ACP2: variants seen among roughly 807,000 people sequenced by gnomAD.
ACP2 encodes acid phosphatase 2, lysosomal.
In ACP2, 35 loss-of-function variants were observed where a neutral mutation model predicts 54.7. The observed-to-expected ratio is 0.64, with a 90% CI of 0.49 to 0.85. The LOEUF is 0.85. Among genes scored for constraint, ACP2 ranks in the 40% least tolerant of loss-of-function variants. ACP2 has a pLI of 0.00. For synonymous variants in ACP2, 210 were observed against 224.4 expected (o/e 0.94, Z 0.57); for missense variants, 492 against 565.0 (o/e 0.87, Z 1.31).
At chr11:47,248,455 A>T in intron 1 of ACP2, 1 of 1,545,282 alleles carries the variant, frequency 6.5e-7, no homozygotes, top group South Asian at 1.2e-5. Flanking sequence ...TTAACCATTC[A>T]ACCACTTCCC....
intron 10 of ACP2, among the ~76,000 whole-genome samples, chr11:47,240,559 C>A (rs1475303802): frequency 6.6e-6 from 1 of 152,150 alleles, no homozygotes; most frequent in East Asian, 1.9e-4. Context: ...GTGGCTCACA[C>A]CTGTAATCCC....
intron 3 of ACP2, among the ~76,000 whole-genome samples, chr11:47,246,071 A>G (rs1011485256): frequency 6.6e-6 from 1 of 152,116 alleles, no homozygotes; most frequent in East Asian, 1.9e-4. Flanking sequence ...CCATCCCCCA[A>G]ACACTCCACT....
chr11:47,245,634 G>A (rs1325709798), intron 4 of ACP2, 48 bp downstream of exon 4: 5 of 1,613,904 alleles, frequency 3.1e-6, no homozygotes, highest in Non-Finnish European at 4.2e-6. Context: ...CAGGCCTACG[G>A]CCAGAGCTGT....
At position 47,240,242 on chromosome 11, in the gene ACP2, A is replaced by G. The variant is rs2135522190; in HGVS notation, c.1146T>C (p.Ile382=). 1 of 1,506,516 alleles carries G rather than the reference A, an allele frequency of 6.6e-7. No individual in the cohort carries two copies. The highest frequency in any genetic ancestry group is 1.1e-5 in the South Asian group (1 of 89,014). The allele number at this position is 1,506,516 out of a possible 1,614,324, so 93.3% of individuals were successfully genotyped here. A position where few individuals can be genotyped will look rare whatever the true frequency, so the allele number is the denominator to read the frequency against. ...TGGAGCCACATACAGCCAAGGCCAC[A>G]ATCACCTCTGGGCATGGGGGAGGCA... ...LASGPADTEV[I]VALAVCGSIL... The change falls in exon 11 of 11, where the codon ATT becomes ATC. Residue 382 remains isoleucine (I), a synonymous_variant. Transcript: ENST00000672073.
At chr11:47,248,554 A>C in intron 1 of ACP2, 122 bp downstream of exon 1, 2 of 1,551,570 alleles carry the variant, frequency 1.3e-6, no homozygotes, top group Non-Finnish European at 1.7e-6. Context: ...CAGCCTCCCA[A>C]CTACCCAGGC....
chr11:47,244,103 C>T (rs1953967350), intron 7 of ACP2, among the ~76,000 whole-genome samples: 1 of 152,128 alleles, frequency 6.6e-6, no homozygotes, highest in African/African-American at 2.4e-5. Context: ...TGCCACTCTA[C>T]TATAGCCTGG....
In ACP2 at chr11:47,246,598, G is replaced by T. The variant is rs765254516; in HGVS notation, c.298-764C>A. ...AAAATATATGTATATATTTTGGGCCGGGCACGGTGGCTCATGCCTGTAATC... is the reference window on the plus strand; with the variant it reads ...AAAATATATGTATATATTTTGGGCCTGGCACGGTGGCTCATGCCTGTAATC... On this transcript the variant is annotated intron_variant, in intron 3 of 10. Transcript: ENST00000672073. 2.8e-4 allele frequency among the ~76,000 whole-genome samples: 43 copies of T among 152,080 alleles called. 1 individual carries two copies. Among genetic ancestry groups the T allele is most frequent in the Middle Eastern group, 3.4e-3 (1 of 294 alleles).
chr11:47,247,945 A>C (rs1954262105), intron 2 of ACP2, 93 bp downstream of exon 2: 1 of 1,153,734 alleles, frequency 8.7e-7, no homozygotes, highest in Non-Finnish European at 1.2e-6. Context: ...CATATGGGAA[A>C]AGGCAGTTTA....
rs765762417 is a variant in ACP2 at position 47,245,482 on chromosome 11, G to A, written c.541C>T (p.Arg181Trp). 8.1e-6 allele frequency: 13 copies of A among 1,614,092 alleles called. No homozygotes were observed. Among genetic ancestry groups the A allele is most frequent in the East Asian group, 4.5e-5 (2 of 44,902 alleles). ...QTPEYQNESS[R>W]NAQFLDMVAN... ...CCTCTGCCCCCACTCACTGCATTCC[G>A]AGAACTCTCATTCTGATACTCTGGT... Residue 181 changes from arginine to tryptophan, a missense_variant, in exon 5 of 11, where the codon CGG becomes TGG. By Grantham distance (101) the Arg-to-Trp change is moderately radical. Transcript: ENST00000672073.
chr11:47,248,735 C>G lies in ACP2; in HGVS notation c.55G>C (p.Gly19Arg), dbSNP rs201174486. 6.2e-7 allele frequency: 1 copy of G among 1,610,832 alleles called. No homozygotes were observed. Among genetic ancestry groups the G allele is most frequent in the East Asian group, 2.2e-5 (1 of 44,778 alleles). The change falls in exon 1 of 11, where the codon GGC becomes CGC. Residue 19 changes from glycine (G) to arginine (R), a missense_variant. Gly to Arg is a moderately radical substitution (Grantham distance 125, BLOSUM62 -2). Coordinates refer to ENST00000672073, the MANE Select transcript of ACP2 (RefSeq NM_001610.4). ...GGCGGCATCACCACCAGGTTCACGCCGAGAAGGAGCTGGAGGAGAGCCGCC... is the reference window on the plus strand; with the variant it reads ...GGCGGCATCACCACCAGGTTCACGCGGAGAAGGAGCTGGAGGAGAGCCGCC... ...SRAALLQLLL[G>R]VNLVVMPPTR...
At chr11:47,247,507 T>C in intron 3 of ACP2, 134 bp downstream of exon 3, 2 of 1,011,384 alleles carry the variant, frequency 2.0e-6, no homozygotes, top group Non-Finnish European at 1.5e-6. Context: ...AGCTCTCAGA[T>C]GTCTTTTCCT....
At chr11:47,241,178 T>C (rs1192208249) in intron 10 of ACP2, among the ~76,000 whole-genome samples, 1 of 152,242 alleles carries the variant, frequency 6.6e-6, no homozygotes, top group Non-Finnish European at 1.5e-5. Context: ...GGGAAGCCAC[T>C]AGAAAATTCT....
At chr11:47,245,916 C>G in intron 3 of ACP2, 82 bp from the exon 4 acceptor site, 1 of 1,445,218 alleles carries the variant, frequency 6.9e-7, no homozygotes, top group Non-Finnish European at 9.1e-7. Flanking sequence ...TGAAGTGGAG[C>G]CTTGTATGTA....
chr11:47,245,370 C>G lies in ACP2; in HGVS notation c.574G>C (p.Glu192Gln), dbSNP rs540880065. The change falls in exon 6 of 11, where the codon GAG (glutamate) becomes CAG (glutamine). Residue 192 changes from glutamate to glutamine, a missense_variant. By Grantham distance (29) the Glu-to-Gln change is conservative. Coordinates refer to ENST00000672073, the MANE Select transcript of ACP2 (RefSeq NM_001610.4). ...AGTGTCAGGTCTGTAAGCCCTGTCT[C>G]GTTGGCCACCATGTCCAGAAATTGC... is the stretch of plus-strand genomic sequence containing the variant. ...NAQFLDMVAN[E>Q]TGLTDLTLET... 6.2e-7 allele frequency: 1 copy of G among 1,614,174 alleles called. No homozygotes were observed. The highest frequency in any genetic ancestry group is 1.3e-5 in the African/African-American group (1 of 75,046).
Position 47,240,233 on chromosome 11 carries a change from C to T in ACP2, c.1155G>A (p.Leu385=). ...GGAAGAGGATGGAGCCACATACAGC[C>T]AAGGCCACAATCACCTCTGGGCATG... ...GPADTEVIVA[L]AVCGSILFLL... The change falls in exon 11 of 11, where the codon TTG becomes TTA. Residue 385 remains leucine (L), a synonymous_variant. Coordinates refer to ENST00000672073, the MANE Select transcript of ACP2 (RefSeq NM_001610.4). The T allele has an allele frequency of 5.8e-6, 9 of 1,551,692 alleles. No homozygotes were observed. The highest frequency in any genetic ancestry group is 8.0e-6 in the Non-Finnish European group (9 of 1,123,040).
chr11:47,245,428 C>T, intron 5 of ACP2, 34 bp from the exon 6 acceptor site: 2 of 1,614,236 alleles, frequency 1.2e-6, no homozygotes, highest in Non-Finnish European at 1.7e-6. Context: ...CAGTCCTGCT[C>T]TGGGGAAAAG....
Position 47,244,849 on chromosome 11 carries a change from GGCGCAGCCCGTGCGTTT to G in ACP2, c.641_657del (p.Gln214ProfsTer84). 2 of 1,609,326 alleles carry G rather than the reference GGCGCAGCCCGTGCGTTT, an allele frequency of 1.2e-6. No individual in the cohort carries two copies. Among genetic ancestry groups the G allele is most frequent in the Non-Finnish European group, 1.7e-6 (2 of 1,176,636 alleles). ...GTTTGGGGTGAGGCCCAGGGCGGCA[GGCGCAGCCCGTGCGTTT>G]GCTGTGTATCGCAGCAGGCAGGTTA... On this transcript the variant is annotated frameshift_variant and splice_region_variant, in exon 7 of 11. Transcript: ENST00000672073. LOFTEE classifies it high-confidence loss of function.
chr11:47,246,340 C>G (rs1204839836), intron 3 of ACP2, among the ~76,000 whole-genome samples: 1 of 152,174 alleles, frequency 6.6e-6, no homozygotes, highest in Non-Finnish European at 1.5e-5. Context: ...CTTTGGGAGG[C>G]CAATGCAGGA....
rs1030116495 is a variant in ACP2, at chr11:47,239,775, G to T, written c.*341C>A. The T allele has an allele frequency of 7.8e-6, 2 of 257,722 alleles. No individual in the cohort carries two copies. Among genetic ancestry groups the T allele is most frequent in the Non-Finnish European group, 1.5e-5 (2 of 134,626 alleles). The allele number at this position is 257,722 out of a possible 1,614,324, so 16.0% of individuals were successfully genotyped here. On this transcript the variant is annotated 3_prime_UTR_variant, in exon 11 of 11. Transcript: ENST00000672073. ...AAAAAGAACAGGGCTTGATAGAAGTGCAAGGTGGATCCAGCACCAACTCTG... is the reference window on the plus strand; with the variant it reads ...AAAAAGAACAGGGCTTGATAGAAGTTCAAGGTGGATCCAGCACCAACTCTG...
Sources: gnomAD v4.1 joint callset for allele counts (sites outside exome capture counted in the v4.1 genomes callset) on GRCh38, gnomAD v4.1.1 for gene constraint, MANE v1.5 for transcripts, NCBI Gene and HGNC (gene_info 2026-07-23, HGNC 2026-07-21) for gene names.